The following MACROD2 variants were observed in gnomAD, a reference collection of about 807,000 sequenced individuals.
MACROD2 encodes mono-ADP ribosylhydrolase 2.
MACROD2 carries 36 observed loss-of-function variants against 70.4 expected under a neutral mutation model. The ratio of observed to expected loss-of-function variants is 0.51; its 90% CI spans 0.39 to 0.68. The LOEUF is 0.68. MACROD2 is among the 30% of genes least tolerant of loss of function. MACROD2 has a pLI of 0.00. For synonymous variants in MACROD2, 172 were observed against 178.8 expected, an observed-to-expected ratio of 0.96 and a Z score of 0.30; for missense variants, 496 against 538.4, an observed-to-expected ratio of 0.92 and a Z score of 0.78.
At chr20:14,731,000 C>T (rs2071589802) in intron 5 of MACROD2, among the ~76,000 whole-genome samples, 1 of 112,400 alleles carries the variant, frequency 8.9e-6, no homozygotes, top group Non-Finnish European at 1.9e-5. Context: ...CACACACACA[C>T]ACACACACAT....
At chr20:15,082,149 G>C (rs2075708231) in intron 5 of MACROD2, among the ~76,000 whole-genome samples, 1 of 152,172 alleles carries the variant, frequency 6.6e-6, no homozygotes, top group African/African-American at 2.4e-5. Flanking sequence ...CACCCAGCCA[G>C]AGTGGGAGGT....
intron 13 of MACROD2, among the ~76,000 whole-genome samples, chr20:15,983,879 T>A (rs1239378893): frequency 6.6e-6 from 1 of 152,256 alleles, no homozygotes; most frequent in Non-Finnish European, 1.5e-5. Context: ...TTAACTTCTA[T>A]GATCCTTTAG....
At chr20:15,518,390 G>A (rs953178444) in intron 8 of MACROD2, among the ~76,000 whole-genome samples, 4 of 152,148 alleles carry the variant, frequency 2.6e-5, no homozygotes, top group Admixed American at 6.5e-5. Context: ...TGACAATAGC[G>A]GATTGCTAAT....
chr20:14,083,965 G>A (rs982599424), intron 2 of MACROD2, among the ~76,000 whole-genome samples: 1 of 150,920 alleles, frequency 6.6e-6, no homozygotes, highest in African/African-American at 2.4e-5. Flanking sequence ...GAGAGGCTGA[G>A]GCAGGAGAAT....
chr20:15,946,794 C>G (rs2065829616), intron 12 of MACROD2, among the ~76,000 whole-genome samples: 1 of 152,176 alleles, frequency 6.6e-6, no homozygotes, highest in African/African-American at 2.4e-5. Context: ...CAGCACTCAG[C>G]ACACGGAGGA....
chr20:14,521,321 A>G (rs1312685454), intron 4 of MACROD2, among the ~76,000 whole-genome samples: 4 of 152,186 alleles, frequency 2.6e-5, no homozygotes, highest in Non-Finnish European at 5.9e-5. Context: ...CCAGTATTTG[A>G]AAATTCATCT....
chr20:15,948,234 A>G (rs554656016), intron 12 of MACROD2, among the ~76,000 whole-genome samples: 3 of 152,158 alleles, frequency 2.0e-5, no homozygotes, highest in African/African-American at 7.2e-5. Flanking sequence ...TAATTAGGCT[A>G]AAACAGGAGG....
At chr20:15,445,308 A>G (rs910681320) in intron 7 of MACROD2, among the ~76,000 whole-genome samples, 2 of 152,192 alleles carry the variant, frequency 1.3e-5, no homozygotes, top group Non-Finnish European at 2.9e-5. Flanking sequence ...TAACATTATC[A>G]TACCACACTT....
intron 2 of MACROD2, among the ~76,000 whole-genome samples, chr20:14,072,574 G>A (rs538402111): frequency 4.9e-4 from 75 of 152,282 alleles, no homozygotes; most frequent in African/African-American, 1.7e-3. Flanking sequence ...GGGAATAGTA[G>A]TAATATGTAC....
At chr20:14,533,650 A>T (rs192753331) in intron 4 of MACROD2, among the ~76,000 whole-genome samples, 47 of 152,358 alleles carry the variant, frequency 3.1e-4, no homozygotes, top group African/African-American at 1.1e-3. Context: ...AGTATAATTA[A>T]AAAACAAGTT....
intron 3 of MACROD2, among the ~76,000 whole-genome samples, chr20:14,342,693 C>T (rs1042776920): frequency 1.4e-4 from 22 of 152,262 alleles, no homozygotes; most frequent in African/African-American, 4.6e-4. Context: ...GAAAATGCTA[C>T]GTTAAACTGT....
At chr20:14,622,404 A>T (rs1433565534) in intron 4 of MACROD2, among the ~76,000 whole-genome samples, 1 of 152,150 alleles carries the variant, frequency 6.6e-6, no homozygotes, top group Non-Finnish European at 1.5e-5. Flanking sequence ...GTACAGCATT[A>T]CCTTTTAAAA....
intron 8 of MACROD2, among the ~76,000 whole-genome samples, chr20:15,861,242 G>A (rs978969908): frequency 1.3e-5 from 2 of 152,198 alleles, no homozygotes; most frequent in Admixed American, 6.5e-5. Flanking sequence ...TTTGCAACTT[G>A]TTGCTGTCAC....
intron 7 of MACROD2, among the ~76,000 whole-genome samples, chr20:15,435,025 C>T (rs143036429): frequency 5.3e-4 from 80 of 150,502 alleles, no homozygotes; most frequent in East Asian, 4.1e-3. Flanking sequence ...TTGAGGGTGA[C>T]GGGTGGGAGG....
intron 5 of MACROD2, among the ~76,000 whole-genome samples, chr20:14,708,549 G>A (rs1392548449): frequency 1.3e-5 from 2 of 152,074 alleles, no homozygotes; most frequent in African/African-American, 4.8e-5. Context: ...GCTACTTAGT[G>A]GTATATTTCA....
At chr20:15,256,409 A>T (rs549054735) in intron 6 of MACROD2, among the ~76,000 whole-genome samples, 5 of 152,080 alleles carry the variant, frequency 3.3e-5, no homozygotes, top group Admixed American at 2.6e-4. Context: ...GAACATAGGG[A>T]TTTGGTGTGG....
At chr20:15,737,535 A>T (rs1302441867) in intron 8 of MACROD2, among the ~76,000 whole-genome samples, 2 of 152,184 alleles carry the variant, frequency 1.3e-5, no homozygotes, top group Admixed American at 1.3e-4. Context: ...TCAGCACATG[A>T]TAGTTGATGT....
intron 5 of MACROD2, among the ~76,000 whole-genome samples, chr20:15,191,245 C>T (rs1480503487): frequency 6.6e-6 from 1 of 152,182 alleles, no homozygotes; most frequent in Non-Finnish European, 1.5e-5. Context: ...TATTCACTGA[C>T]TCCCAGCCCC....
intron 4 of MACROD2, among the ~76,000 whole-genome samples, chr20:14,598,961 T>C (rs1444885953): frequency 6.6e-6 from 1 of 152,138 alleles, no homozygotes; most frequent in Non-Finnish European, 1.5e-5. Context: ...GATTTGGATA[T>C]TGGCTATATT....
Sources: allele counts gnomAD v4.1 joint callset (sites outside exome capture counted in the v4.1 genomes callset), GRCh38; gene constraint gnomAD v4.1.1; transcripts MANE v1.5; gene names NCBI Gene and HGNC (gene_info 2026-07-23, HGNC 2026-07-21).